Variants in SLC15A5 observed in about 807,000 individuals in gnomAD.
The protein encoded by SLC15A5 is solute carrier family 15 member 5.
Under a neutral mutation model 56.1 loss-of-function variants are expected in SLC15A5, and 58 were observed. That is an observed-to-expected ratio of 1.03 (90% CI 0.84 to 1.29). SLC15A5 has a LOEUF of 1.29. Ranked by LOEUF, SLC15A5 falls within the 50% of genes most tolerant of loss-of-function variation. SLC15A5 has a pLI of 0.00. For missense variants in SLC15A5, 681 were observed against 672.1 expected, an observed-to-expected ratio of 1.01 and a Z score of -0.15; for synonymous variants, 264 against 250.5, an observed-to-expected ratio of 1.05 and a Z score of -0.51.
At chr12:16,211,148 C>T (rs1322772432) in intron 7 of SLC15A5, among the ~76,000 whole-genome samples, 2 of 152,094 alleles carry the variant, frequency 1.3e-5, no homozygotes. Flanking sequence ...AAGTTGGACC[C>T]GAGGCATAGA....
intron 5 of SLC15A5, among the ~76,000 whole-genome samples, chr12:16,231,600 G>C (rs1487846531): frequency 6.6e-6 from 1 of 152,190 alleles, no homozygotes; most frequent in Non-Finnish European, 1.5e-5. Flanking sequence ...TTGAAAGTCT[G>C]TGCACTGAAC....
intron 7 of SLC15A5, among the ~76,000 whole-genome samples, chr12:16,208,896 T>C (rs1031022439): frequency 3.3e-5 from 5 of 152,196 alleles, no homozygotes; most frequent in Non-Finnish European, 7.4e-5. Flanking sequence ...AATTTAACTA[T>C]GTATCTTGTA....
At chr12:16,273,733 T>TAAA (rs1234089075) in intron 1 of SLC15A5, among the ~76,000 whole-genome samples, 1 of 45,712 alleles carries the variant, frequency 2.2e-5, no homozygotes, top group African/African-American at 8.4e-5. Context: ...AGTAGTCAAA[T>TAAA]AAATTTTTTT....
chr12:16,197,752 C>CTT (rs35667399), intron 7 of SLC15A5, among the ~76,000 whole-genome samples: 39 of 146,226 alleles, frequency 2.7e-4, no homozygotes, highest in African/African-American at 8.3e-4. Flanking sequence ...TTCTGTATGC[C>CTT]TTTTTTTTTT....
chr12:16,200,853 A>G (rs1221135559), intron 7 of SLC15A5, among the ~76,000 whole-genome samples: 1 of 152,164 alleles, frequency 6.6e-6, no homozygotes, highest in Non-Finnish European at 1.5e-5. Flanking sequence ...AATGCATAAA[A>G]CAAATCTAAG....
intron 8 of SLC15A5, among the ~76,000 whole-genome samples, chr12:16,191,596 T>C (rs1205663117): frequency 6.6e-6 from 1 of 152,102 alleles, no homozygotes; most frequent in African/African-American, 2.4e-5. Flanking sequence ...TCGGTACTTT[T>C]CCCCATTTCT....
intron 5 of SLC15A5, among the ~76,000 whole-genome samples, chr12:16,226,446 A>G (rs1864242078): frequency 6.6e-6 from 1 of 152,170 alleles, no homozygotes; most frequent in African/African-American, 2.4e-5. Context: ...ACTTTCATAA[A>G]AAAGATATAT....
chr12:16,220,017 C>T (rs1864170330), intron 6 of SLC15A5, among the ~76,000 whole-genome samples: 2 of 152,150 alleles, frequency 1.3e-5, no homozygotes, highest in Non-Finnish European at 2.9e-5. Flanking sequence ...TCCTAAGGCA[C>T]CTGGTACTGG....
chr12:16,243,659 G>A lies in SLC15A5; in HGVS notation c.975+921C>T, dbSNP rs888791589. 2.6e-5 allele frequency among the ~76,000 whole-genome samples: 4 copies of A among 152,008 alleles called. No homozygotes were observed. The highest frequency in any genetic ancestry group is 6.6e-5 in the Admixed American group (1 of 15,264). ...TCAGATAGTGGATGGCTAACCCCTG[G>A]TTTAGAGGGGCAAGCACTGTACTGA... On this transcript the variant is annotated intron_variant, in intron 4 of 8. Transcript: ENST00000344941. This position sits in a 1 kb window ranked among gnomAD's most constrained non-coding sequence, Gnocchi z 4.4.
chr12:16,217,414 G>T (rs1336648109), intron 6 of SLC15A5, among the ~76,000 whole-genome samples: 3 of 152,054 alleles, frequency 2.0e-5, no homozygotes, highest in Non-Finnish European at 4.4e-5. Context: ...GTTCCTTATA[G>T]AAAACTTGTA....
At chr12:16,256,720 G>C (rs544241054) in intron 3 of SLC15A5, among the ~76,000 whole-genome samples, 2 of 151,962 alleles carry the variant, frequency 1.3e-5, no homozygotes, top group Admixed American at 1.3e-4. Flanking sequence ...TTAGCCAGGC[G>C]TGGTGGCGGG....
At chr12:16,205,484 G>T (rs867734137) in intron 7 of SLC15A5, among the ~76,000 whole-genome samples, 1 of 148,128 alleles carries the variant, frequency 6.8e-6, no homozygotes, top group Non-Finnish European at 1.5e-5. Context: ...AATATTTATA[G>T]CATGAAAAAT....
intron 7 of SLC15A5, among the ~76,000 whole-genome samples, chr12:16,210,217 C>A (rs559214851): frequency 1.1e-4 from 16 of 152,244 alleles, no homozygotes; most frequent in Admixed American, 4.6e-4. Flanking sequence ...GCTTCAATAC[C>A]ATTTCCAGGT....
At chr12:16,250,430 G>A (rs3843667) in intron 3 of SLC15A5, among the ~76,000 whole-genome samples, 68,096 of 151,700 alleles carry the variant, frequency 0.45, 15,480 homozygotes, top group South Asian at 0.61. Flanking sequence ...TGGTGAATGC[G>A]CTTCATTTTT....
At chr12:16,212,027 T>G (rs1166185210) in intron 7 of SLC15A5, among the ~76,000 whole-genome samples, 1 of 152,158 alleles carries the variant, frequency 6.6e-6, no homozygotes, top group East Asian at 1.9e-4. Flanking sequence ...GCACACATGC[T>G]CAGCTGACAT....
chr12:16,208,406 T>C lies in SLC15A5; in HGVS notation c.1483+8487A>G, dbSNP rs143612209. ...GAAATAAAGTATTAGGTGTGGTGGC[T>C]TTTGCTATATTCCCATCTACTGGGG... On this transcript the variant is annotated intron_variant, in intron 7 of 8. Transcript: ENST00000344941. 5.4e-4 allele frequency among the ~76,000 whole-genome samples: 82 copies of C among 152,314 alleles called. 1 individual carries two copies. The East Asian group carries it at 0.012, about 22-fold the overall frequency.
chr12:16,266,654 T>C (rs921270573), intron 2 of SLC15A5, among the ~76,000 whole-genome samples: 4 of 152,070 alleles, frequency 2.6e-5, no homozygotes, highest in African/African-American at 4.8e-5. Context: ...ATATGTATCA[T>C]CTATAAAAAA....
At chr12:16,254,355 G>A (rs1864547951) in intron 3 of SLC15A5, among the ~76,000 whole-genome samples, 1 of 152,038 alleles carries the variant, frequency 6.6e-6, no homozygotes, top group Non-Finnish European at 1.5e-5. Context: ...TGTTTAGTGG[G>A]TATACAGCTT....
intron 5 of SLC15A5, 108 bp from the exon 6 acceptor site, chr12:16,224,710 T>C (rs1474082401): frequency 1.7e-6 from 2 of 1,147,666 alleles, no homozygotes; most frequent in Admixed American, 2.9e-5. Flanking sequence ...TCTTTTTTGT[T>C]TGTTTGTTTT....
Sources: allele counts gnomAD v4.1 joint callset (sites outside exome capture counted in the v4.1 genomes callset), GRCh38; gene constraint gnomAD v4.1.1; non-coding constraint Gnocchi (gnomAD v3.1); transcripts MANE v1.5; gene names NCBI Gene and HGNC (gene_info 2026-07-23, HGNC 2026-07-21).